UTP11: variants seen among roughly 807,000 people sequenced by gnomAD.
UTP11 encodes probable U3 small nucleolar RNA-associated protein 11.
UTP11 carries 29 observed loss-of-function variants against 39.0 expected under a neutral mutation model. The ratio of observed to expected loss-of-function variants is 0.74; its 90% confidence interval spans 0.55 to 1.01. The LOEUF is 1.01. Ranked by LOEUF, UTP11 falls within the 50% of genes least tolerant of loss-of-function variation. UTP11 has a pLI of 0.00. For missense variants in UTP11, 281 were observed against 306.0 expected (o/e 0.92, Z 0.61); for synonymous variants, 111 against 105.0 (o/e 1.06, Z -0.35).
chr1:38,016,653 G>T (rs1052236153), intron 2 of UTP11: 4 of 470,070 alleles, frequency 8.5e-6, no homozygotes, highest in Non-Finnish European at 1.2e-5. Context: ...GTATTATGTT[G>T]TTCCAGATCA....
chr1:38,020,925 C>CTT (rs34333804), intron 6 of UTP11, among the ~76,000 whole-genome samples: 18 of 145,198 alleles, frequency 1.2e-4, no homozygotes, highest in East Asian at 1.0e-3. Context: ...ATTAGGTGTA[C>CTT]TTTTTTTTTT....
intron 3 of UTP11, 110 bp from the exon 4 acceptor site, chr1:38,018,354 A>T: frequency 1.5e-6 from 1 of 683,832 alleles, no homozygotes; most frequent in Non-Finnish European, 2.5e-6. Flanking sequence ...TACAGGTGTG[A>T]GTGACCGCAC....
intron 6 of UTP11, among the ~76,000 whole-genome samples, chr1:38,019,602 G>A (rs1413752153): frequency 1.3e-5 from 2 of 152,022 alleles, no homozygotes; most frequent in Admixed American, 1.3e-4. Context: ...TCATGCCTCA[G>A]CCTCCCCAGT....
intron 6 of UTP11, among the ~76,000 whole-genome samples, chr1:38,021,212 C>T (rs1335393603): frequency 2.0e-5 from 3 of 152,170 alleles, no homozygotes; most frequent in African/African-American, 2.4e-5. Flanking sequence ...TGAGCTACCG[C>T]GCCCGGCAAT....
intron 6 of UTP11, among the ~76,000 whole-genome samples, chr1:38,021,212 C>A (rs1335393603): frequency 6.6e-6 from 1 of 152,170 alleles, no homozygotes; most frequent in African/African-American, 2.4e-5. Flanking sequence ...TGAGCTACCG[C>A]GCCCGGCAAT....
chr1:38,016,288 G>T (rs140391909), intron 1 of UTP11, 71 bp from the exon 2 acceptor site: 9 of 1,482,476 alleles, frequency 6.1e-6, no homozygotes, highest in Admixed American at 1.7e-5. Context: ...GTGCCTGTTA[G>T]ATGTCGTGTT....
intron 1 of UTP11, among the ~76,000 whole-genome samples, chr1:38,014,433 G>T (rs6688755): frequency 0.4 from 61,138 of 152,016 alleles, 13,570 homozygotes; most frequent in East Asian, 0.81. Flanking sequence ...TATGGAGGGT[G>T]TATGTGTTAT....
Position 38,013,003 on chromosome 1 carries a change from C to G in UTP11, c.63+138C>G, listed in dbSNP as rs1008237694. 1.1e-5 allele frequency: 12 copies of G among 1,083,984 alleles called. No homozygotes were observed. In the African/African-American group the frequency reaches 1.4e-4, roughly 13 times the overall value. 67.1% of individuals were successfully genotyped at this position (1,083,984 alleles called of 1,614,324 possible). On this transcript the variant is annotated intron_variant, in intron 1 of 7. Transcript: ENST00000373014. ...CGTAAATGTATGTTAATGACGCTGG[C>G]GTGGCTGGGGCGGAGCTTCGTGGGA... is the stretch of plus-strand genomic sequence containing the variant.
chr1:38,023,570 A>T lies in UTP11; in HGVS notation c.704A>T (p.Lys235Met), dbSNP rs1209427458. Residue 235 changes from lysine (K) to methionine (M), a missense_variant, in exon 8 of 8, where the codon AAG becomes ATG. Lys to Met is a moderately conservative substitution (Grantham distance 95). Coordinates refer to ENST00000373014, the MANE Select transcript of UTP11 (RefSeq NM_016037.4). The stretch of plus-strand genomic sequence containing the variant: ...GATAAAACTCAGAAAGTGAAGGTGA[A>T]GAAAGAAACGGTGAACTCCCCAGCT... ...LMDKTQKVKV[K>M]KETVNSPAIY... 1 of 1,611,738 alleles carries T rather than the reference A, an allele frequency of 6.2e-7. No homozygotes were observed. Among genetic ancestry groups the T allele is most frequent in the Non-Finnish European group, 8.5e-7 (1 of 1,179,032 alleles).
rs2148737524 is a variant in UTP11, at chr1:38,017,740, C to T, written c.198C>T (p.Phe66=). Residue 66 remains phenylalanine (F), a synonymous_variant, in exon 3 of 8, where the codon TTC becomes TTT. Transcript: ENST00000373014. ...KKALEKNPDE[F]YYKMTRVKLQ... is the part of the protein sequence containing the mutation. ...CTCTTGAAAAAAATCCAGATGAATT[C>T]TACTACAAAATGACTCGGGTTAAAC... 1 of 1,609,158 alleles carries T rather than the reference C, an allele frequency of 6.2e-7. No homozygotes were observed. The highest frequency in any genetic ancestry group is 8.5e-7 in the Non-Finnish European group (1 of 1,177,852).
chr1:38,012,869 G>C lies in UTP11; in HGVS notation c.63+4G>C, dbSNP rs746524863. ...GGAACACAGAGAGCGAAGCCAGGTA[G>C]GACCATACAGGCCCCACAAGTGCTG... On this transcript the variant is annotated splice_donor_region_variant and intron_variant, in intron 1 of 7. Coordinates refer to ENST00000373014, the MANE Select transcript of UTP11 (RefSeq NM_016037.4). 6.2e-7 allele frequency: 1 copy of C among 1,614,222 alleles called. No individual in the cohort carries two copies. The highest frequency in any genetic ancestry group is 8.5e-7 in the Non-Finnish European group (1 of 1,180,054).
At chr1:38,017,466 T>G (rs1347417839) in intron 2 of UTP11, 1 of 405,090 alleles carries the variant, frequency 2.5e-6, no homozygotes, top group East Asian at 3.8e-5. Context: ...AACTGTTGAT[T>G]AGACTGTGGA....
Position 38,024,257 on chromosome 1 carries a change from G to A in UTP11, c.*629G>A, listed in dbSNP as rs1293820074. Reference sequence around the variant, plus strand: ...ACAAATATTTATTGCATGCTTAACTGTGCTAGGAGCTAGAGCTGTGGAGGT... The same window carrying A: ...ACAAATATTTATTGCATGCTTAACTATGCTAGGAGCTAGAGCTGTGGAGGT... On this transcript the variant is annotated 3_prime_UTR_variant, in exon 8 of 8. Coordinates refer to ENST00000373014, the MANE Select transcript of UTP11 (RefSeq NM_016037.4). The A allele has an allele frequency of 2.0e-5, 3 of 152,232 alleles. No individual in the cohort carries two copies. The highest frequency in any genetic ancestry group is 4.4e-5 in the Non-Finnish European group (3 of 68,070). 9.4% of individuals were successfully genotyped at this position (152,232 alleles called of 1,614,324 possible). A position where few individuals can be genotyped will look rare whatever the true frequency, so the allele number is the denominator to read the frequency against.
intron 7 of UTP11, 25 bp downstream of exon 7, chr1:38,022,834 CTTTT>C: frequency 3.3e-6 from 4 of 1,214,254 alleles, no homozygotes; most frequent in East Asian, 2.7e-5. Context: ...CCTTAGGCCT[CTTTT>C]TTTTTTTTTC....
intron 1 of UTP11, among the ~76,000 whole-genome samples, chr1:38,014,465 A>G (rs1361644012): frequency 6.6e-6 from 1 of 152,230 alleles, no homozygotes; most frequent in Non-Finnish European, 1.5e-5. Context: ...TTTCAGATAC[A>G]ATACCAGGTT....
chr1:38,019,514 C>G (rs1570501520), intron 6 of UTP11, 131 bp downstream of exon 6: 1 of 827,700 alleles, frequency 1.2e-6, no homozygotes, highest in East Asian at 4.3e-5. Context: ...TAGTCAGAGT[C>G]TCACTGTCTC....
At chr1:38,017,861 T>A in intron 3 of UTP11, 91 bp downstream of exon 3, 2 of 1,154,024 alleles carry the variant, frequency 1.7e-6, no homozygotes, top group Non-Finnish European at 2.5e-6. Context: ...TCGTTGGCCT[T>A]AATTTAACCC....
At chr1:38,021,961 A>G (rs1454756780) in intron 6 of UTP11, among the ~76,000 whole-genome samples, 2 of 152,114 alleles carry the variant, frequency 1.3e-5, no homozygotes, top group Admixed American at 1.3e-4. Flanking sequence ...TGATTCCCCA[A>G]AATGTAAGGA....
Position 38,012,761 on chromosome 1 carries a change from G to A in UTP11, c.-42G>A, listed in dbSNP as rs763667487. The A allele has an allele frequency of 6.2e-6, 10 of 1,613,652 alleles. No individual in the cohort carries two copies. Among genetic ancestry groups the A allele is most frequent in the South Asian group, 1.1e-5 (1 of 91,062 alleles). On this transcript the variant is annotated 5_prime_UTR_variant, in exon 1 of 8. Transcript: ENST00000373014. ...TGGACTTGGCGGCAGAGGCAGTGCG[G>A]ATCCGGCGTTCTCCACTGATCTTTT...
Sources: allele counts gnomAD v4.1 joint callset (sites outside exome capture counted in the v4.1 genomes callset), GRCh38; gene constraint gnomAD v4.1.1; transcripts MANE v1.5; gene names NCBI Gene and HGNC (gene_info 2026-07-23, HGNC 2026-07-21).